EHBP1: variants seen among roughly 807,000 people sequenced by gnomAD.
EHBP1 encodes EH domain-binding protein 1.
Under a neutral mutation model 144.0 loss-of-function variants are expected in EHBP1, and 55 were observed. That is an observed-to-expected ratio of 0.38 (90% CI 0.31 to 0.48). The LOEUF (loss-of-function observed/expected upper bound fraction) is 0.48, where lower values mean the gene tolerates loss of function less well. Among genes scored for constraint, EHBP1 ranks in the 20% least tolerant of loss-of-function variants. The pLI, the probability that EHBP1 is intolerant of heterozygous loss-of-function variation, is 0.98. For missense variants in EHBP1, 1,200 were observed against 1,364.2 expected (o/e 0.88, Z 1.90); for synonymous variants, 469 against 472.7 (o/e 0.99, Z 0.10).
intron 19 of EHBP1, among the ~76,000 whole-genome samples, chr2:63,000,093 G>A (rs563010227): frequency 6.6e-6 from 1 of 152,158 alleles, no homozygotes; most frequent in African/African-American, 2.4e-5. Context: ...TTACATCCTG[G>A]GGGGAGGCAG....
intron 2 of EHBP1, among the ~76,000 whole-genome samples, chr2:62,722,505 ATTAC>A (rs1290448378): frequency 6.6e-6 from 1 of 152,030 alleles, no homozygotes; most frequent in Non-Finnish European, 1.5e-5. Context: ...ATGTAATGTT[ATTAC>A]TTAATCTATA....
chr2:62,770,334 C>CTTTG (rs2041561608), intron 4 of EHBP1, among the ~76,000 whole-genome samples: 2 of 152,062 alleles, frequency 1.3e-5, no homozygotes, highest in East Asian at 3.9e-4. Flanking sequence ...ACAAAACAAC[C>CTTTG]CCATTAAAAA....
chr2:63,024,281 T>C (rs1214241313), intron 19 of EHBP1, among the ~76,000 whole-genome samples: 1 of 152,116 alleles, frequency 6.6e-6, no homozygotes, highest in Non-Finnish European at 1.5e-5. Flanking sequence ...GAGGTGGAGA[T>C]TGCAGTGAGC....
At chr2:63,018,142 A>G (rs2060561561) in intron 19 of EHBP1, among the ~76,000 whole-genome samples, 1 of 152,220 alleles carries the variant, frequency 6.6e-6, no homozygotes, top group Admixed American at 6.5e-5. Flanking sequence ...GAGCAACAGA[A>G]TGAGACCTTG....
At chr2:62,976,129 C>T (rs752744050) in intron 14 of EHBP1, among the ~76,000 whole-genome samples, 5 of 152,074 alleles carry the variant, frequency 3.3e-5, no homozygotes, top group Admixed American at 2.0e-4. Context: ...CTCGAATTTT[C>T]CTTGATTCAG....
At chr2:62,730,900 GAC>G (rs1487543903) in intron 2 of EHBP1, among the ~76,000 whole-genome samples, 1 of 128,950 alleles carries the variant, frequency 7.8e-6, no homozygotes, top group Non-Finnish European at 1.7e-5. Flanking sequence ...ACAGAAGACA[GAC>G]ACAGTGAGAG....
At chr2:62,741,308 G>C (rs182687678) in intron 2 of EHBP1, among the ~76,000 whole-genome samples, 79 of 152,274 alleles carry the variant, frequency 5.2e-4, no homozygotes, top group African/African-American at 1.8e-3. Context: ...GGTGCTTCTT[G>C]TAACGCCTCT....
intron 3 of EHBP1, among the ~76,000 whole-genome samples, chr2:62,757,929 G>A (rs1273868797): frequency 2.0e-5 from 3 of 151,744 alleles, no homozygotes; most frequent in Non-Finnish European, 2.9e-5. Flanking sequence ...GGAGAATGGC[G>A]TGAACCCAGG....
chr2:62,820,778 A>ATATG (rs2045921022), intron 5 of EHBP1, among the ~76,000 whole-genome samples: 1 of 121,334 alleles, frequency 8.2e-6, no homozygotes, highest in Admixed American at 8.6e-5. Context: ...ATATATATAT[A>ATATG]TATGCACATC....
chr2:62,776,780 C>CT (rs2042081409), intron 5 of EHBP1, among the ~76,000 whole-genome samples: 1 of 152,164 alleles, frequency 6.6e-6, no homozygotes, highest in Admixed American at 6.5e-5. Context: ...CTATAAAACA[C>CT]TATGTTTCAT....
chr2:62,889,045 C>CTATT (rs2052196069), intron 10 of EHBP1, among the ~76,000 whole-genome samples: 1 of 95,228 alleles, frequency 1.1e-5, no homozygotes, highest in Non-Finnish European at 2.1e-5. Context: ...CAGTAGGTAC[C>CTATT]TCTTTTTTTT....
At chr2:62,723,958 A>T (rs934638632) in intron 2 of EHBP1, among the ~76,000 whole-genome samples, 1 of 152,112 alleles carries the variant, frequency 6.6e-6, no homozygotes, top group African/African-American at 2.4e-5. Context: ...CTTGAGGATG[A>T]TCTTCTTGTG....
At chr2:62,761,634 G>A (rs901568779) in intron 3 of EHBP1, among the ~76,000 whole-genome samples, 3 of 152,062 alleles carry the variant, frequency 2.0e-5, no homozygotes, top group Non-Finnish European at 2.9e-5. Flanking sequence ...ACTTGCATCT[G>A]CACTCATATA....
At chr2:62,946,662 A>G (rs986933239) in intron 12 of EHBP1, among the ~76,000 whole-genome samples, 2 of 152,218 alleles carry the variant, frequency 1.3e-5, no homozygotes, top group African/African-American at 4.8e-5. Context: ...TGAATAAGAT[A>G]ATTTTCTTAG....
chr2:62,730,636 G>GAGAGAC (rs895634607), intron 2 of EHBP1, among the ~76,000 whole-genome samples: 1 of 151,632 alleles, frequency 6.6e-6, no homozygotes, highest in Admixed American at 6.6e-5. Flanking sequence ...GAGAGAGAGA[G>GAGAGAC]AGAGACAGAG....
intron 15 of EHBP1, among the ~76,000 whole-genome samples, chr2:62,985,596 G>A (rs2059155289): frequency 6.6e-6 from 1 of 152,084 alleles, no homozygotes; most frequent in Non-Finnish European, 1.5e-5. Context: ...CTATAGTTTT[G>A]CCTTTCAAGT....
chr2:62,768,939 A>G (rs771515598), intron 4 of EHBP1, among the ~76,000 whole-genome samples: 2 of 152,258 alleles, frequency 1.3e-5, no homozygotes, highest in African/African-American at 2.4e-5. Flanking sequence ...ATAGATGCAG[A>G]AAAGGCTTTT....
chr2:62,724,375 T>G (rs911327882), intron 2 of EHBP1, among the ~76,000 whole-genome samples: 5 of 152,218 alleles, frequency 3.3e-5, no homozygotes, highest in African/African-American at 1.2e-4. Flanking sequence ...GCTCCTGCAT[T>G]GTTTTATTGT....
At chr2:62,759,057 A>G (rs1186157219) in intron 3 of EHBP1, among the ~76,000 whole-genome samples, 4 of 152,220 alleles carry the variant, frequency 2.6e-5, no homozygotes, top group East Asian at 3.9e-4. Flanking sequence ...AGAATATGAC[A>G]TGAAATAATT....
Sources: gnomAD v4.1 joint callset for allele counts (sites outside exome capture counted in the v4.1 genomes callset) on GRCh38, gnomAD v4.1.1 for gene constraint, MANE v1.5 for transcripts, NCBI Gene and HGNC (gene_info 2026-07-23, HGNC 2026-07-21) for gene names.